The following CALN1 variants were observed in gnomAD, a reference collection of about 807,000 sequenced individuals.
CALN1 encodes the protein calneuron 1.
CALN1 carries 17 observed loss-of-function variants against 30.6 expected under a neutral mutation model. The ratio of observed to expected loss-of-function variants is 0.56; its 90% CI spans 0.38 to 0.83. The LOEUF (loss-of-function observed/expected upper bound fraction) is 0.83, where lower values mean the gene tolerates loss of function less well. CALN1 is among the 40% of genes least tolerant of loss of function. The probability of loss-of-function intolerance (pLI) is 0.00; values close to 1 mark genes in which losing one functional copy is unlikely to be tolerated. For synonymous variants in CALN1, 156 were observed against 131.4 expected (o/e 1.19, Z -1.28); for missense variants, 291 against 354.9 (o/e 0.82, Z 1.45).
intron 3 of CALN1, among the ~76,000 whole-genome samples, chr7:72,181,191 T>A (rs1789780800): frequency 1.3e-5 from 2 of 148,218 alleles, no homozygotes; most frequent in African/African-American, 2.5e-5. Flanking sequence ...TCTATATATG[T>A]ATGTATTGTT....
chr7:72,310,446 C>A (rs1006877154), intron 2 of CALN1, among the ~76,000 whole-genome samples: 8 of 150,686 alleles, frequency 5.3e-5, no homozygotes, highest in African/African-American at 2.0e-4. Flanking sequence ...TATCAGTAGA[C>A]AAGGAACAGA....
At chr7:72,246,667 C>T (rs1433305540) in intron 3 of CALN1, among the ~76,000 whole-genome samples, 1 of 152,010 alleles carries the variant, frequency 6.6e-6, no homozygotes, top group Admixed American at 6.6e-5. Context: ...AGGACACGGT[C>T]CTTTGACCAT....
the CALN1 span, among the ~76,000 whole-genome samples, chr7:72,499,817 C>CTTT: frequency 1.6e-5 from 1 of 63,530 alleles, no homozygotes; most frequent in African/African-American, 8.8e-5. Context: ...TTCCTTCCTT[C>CTTT]CTTCCTTCCT....
intron 5 of CALN1, among the ~76,000 whole-genome samples, chr7:71,858,710 A>G (rs1299955748): frequency 6.6e-6 from 1 of 152,150 alleles, no homozygotes; most frequent in Non-Finnish European, 1.5e-5. Context: ...CCAATCAGAG[A>G]TTCAAAAGAG....
intron 4 of CALN1, among the ~76,000 whole-genome samples, chr7:72,067,438 C>A (rs568458588): frequency 1.3e-5 from 2 of 151,440 alleles, no homozygotes; most frequent in Non-Finnish European, 2.9e-5. Flanking sequence ...TTAATACAGA[C>A]GAGGTTTTGC....
chr7:72,428,292 G>A (rs1408422474), intron 1 of CALN1, among the ~76,000 whole-genome samples: 3 of 152,170 alleles, frequency 2.0e-5, no homozygotes, highest in African/African-American at 7.2e-5. Flanking sequence ...ATGCTCAAAA[G>A]GCACTGGCAA....
intron 4 of CALN1, among the ~76,000 whole-genome samples, chr7:72,100,270 T>C (rs1806556918): frequency 6.6e-6 from 1 of 151,984 alleles, no homozygotes; most frequent in Admixed American, 6.6e-5. Context: ...GCAATCCTCC[T>C]CCATCAGTGT....
chr7:72,399,244 C>T (rs1011002094), intron 2 of CALN1, among the ~76,000 whole-genome samples: 2 of 150,406 alleles, frequency 1.3e-5, no homozygotes, highest in Admixed American at 1.3e-4. Flanking sequence ...CTCTACAGTC[C>T]CCAGCCGGTT....
intron 2 of CALN1, among the ~76,000 whole-genome samples, chr7:72,292,462 C>G (rs1350180360): frequency 1.4e-5 from 2 of 147,740 alleles, no homozygotes; most frequent in African/African-American, 2.5e-5. Flanking sequence ...GATTGGGTCA[C>G]TATATCATGA....
chr7:72,175,067 C>T (rs1450187566), intron 3 of CALN1, among the ~76,000 whole-genome samples: 1 of 151,628 alleles, frequency 6.6e-6, no homozygotes, highest in South Asian at 2.1e-4. Context: ...AACTATACCT[C>T]AATATAATCA....
intron 6 of CALN1, among the ~76,000 whole-genome samples, chr7:71,798,125 G>GAC (rs1787064176): frequency 4.2e-5 from 1 of 23,792 alleles, no homozygotes; most frequent in Middle Eastern, 0.038. Flanking sequence ...GACAGAGACA[G>GAC]AGAGAGAGAG....
chr7:72,379,219 T>A (rs984563123), intron 2 of CALN1, among the ~76,000 whole-genome samples: 3 of 152,120 alleles, frequency 2.0e-5, no homozygotes, highest in African/African-American at 7.2e-5. Context: ...AACCTCTAAC[T>A]CCTGCCCTTA....
intron 3 of CALN1, among the ~76,000 whole-genome samples, chr7:72,208,496 A>G (rs1792057609): frequency 6.6e-6 from 1 of 151,822 alleles, no homozygotes; most frequent in East Asian, 2.1e-4. Context: ...TGATATTTTG[A>G]AAACCACATG....
intron 3 of CALN1, among the ~76,000 whole-genome samples, chr7:72,185,087 G>C (rs1307983424): frequency 1.3e-5 from 2 of 152,052 alleles, no homozygotes; most frequent in African/African-American, 4.8e-5. Flanking sequence ...TTACAGGCTT[G>C]AGCCACCACA....
intron 5 of CALN1, among the ~76,000 whole-genome samples, chr7:71,877,613 G>A (rs529359290): frequency 3.1e-3 from 476 of 151,552 alleles, no homozygotes; most frequent in Non-Finnish European, 5.1e-3. Flanking sequence ...GAATACATTT[G>A]GCGAGAAAGT....
At chr7:72,390,656 CTG>C (rs1406123721) in intron 2 of CALN1, among the ~76,000 whole-genome samples, 5 of 152,206 alleles carry the variant, frequency 3.3e-5, no homozygotes, top group African/African-American at 1.2e-4. Context: ...CAATGCCCGA[CTG>C]TGCCACTATT....
intron 2 of CALN1, among the ~76,000 whole-genome samples, chr7:72,329,458 C>T (rs959830424): frequency 1.3e-5 from 2 of 152,170 alleles, no homozygotes; most frequent in Non-Finnish European, 2.9e-5. Flanking sequence ...CACAGGGTGA[C>T]CCTATATGAG....
At chr7:72,016,121 C>T (rs902464383) in intron 5 of CALN1, among the ~76,000 whole-genome samples, 6 of 151,682 alleles carry the variant, frequency 4.0e-5, no homozygotes, top group African/African-American at 7.3e-5. Context: ...TGGTGGTGGG[C>T]GTCTGTAATC....
intron 3 of CALN1, among the ~76,000 whole-genome samples, chr7:72,205,062 T>C (rs1791725722): frequency 6.6e-6 from 1 of 152,162 alleles, no homozygotes; most frequent in Non-Finnish European, 1.5e-5. Context: ...AAATTGACAT[T>C]TTGTTGCTTT....
Sources: allele counts gnomAD v4.1 joint callset (sites outside exome capture counted in the v4.1 genomes callset), GRCh38; gene constraint gnomAD v4.1.1; transcripts MANE v1.5; gene names NCBI Gene and HGNC (gene_info 2026-07-23, HGNC 2026-07-21).